The following GK5 variants were observed in gnomAD, a reference collection of about 807,000 sequenced individuals.
GK5 encodes glycerol kinase 5.
A neutral mutation model predicts 77.3 loss-of-function variants in GK5; 39 were observed. That is an observed-to-expected ratio of 0.50 (90% CI 0.39 to 0.66). GK5 has a LOEUF of 0.66. Ranked by LOEUF, GK5 falls within the 30% of genes least tolerant of loss-of-function variation. GK5 has a pLI of 0.00. For synonymous variants in GK5, 211 were observed against 208.0 expected, an observed-to-expected ratio of 1.01 and a Z score of -0.13; for missense variants, 487 against 633.8, an observed-to-expected ratio of 0.77 and a Z score of 2.49.
At chr3:142,186,547 C>T in intron 6 of GK5, 34 bp from the exon 7 acceptor site, 2 of 1,029,730 alleles carry the variant, frequency 1.9e-6, no homozygotes, top group Non-Finnish European at 2.9e-6. Flanking sequence ...CATTTATTAT[C>T]AGATAGTATA....
chr3:142,203,138 T>C (rs2064052330), intron 4 of GK5, among the ~76,000 whole-genome samples: 1 of 152,146 alleles, frequency 6.6e-6, no homozygotes, highest in Admixed American at 6.5e-5. Context: ...TTTAAAATTA[T>C]ACAATTGAGG....
At position 142,165,482 on chromosome 3, in the gene GK5, A is replaced by T. The variant is rs1270902710; in HGVS notation, c.*140T>A. On this transcript the variant is annotated 3_prime_UTR_variant, in exon 16 of 16. Transcript: ENST00000392993. ...GTTTTTTGTTCCGTTTTGTTTTTTTAAAAGCAATGCTTCTTAAGTTATGAA... is the reference window on the plus strand; with the variant it reads ...GTTTTTTGTTCCGTTTTGTTTTTTTTAAAGCAATGCTTCTTAAGTTATGAA... 6 of 599,320 alleles carry T rather than the reference A, an allele frequency of 1.0e-5. No homozygotes were observed. In the East Asian group the frequency reaches 1.8e-4, roughly 18 times the overall value. 37.1% of individuals were successfully genotyped at this position (599,320 alleles called of 1,614,324 possible).
At chr3:142,191,195 A>C (rs2107781998) in intron 5 of GK5, among the ~76,000 whole-genome samples, 1 of 152,060 alleles carries the variant, frequency 6.6e-6, no homozygotes, top group Non-Finnish European at 1.5e-5. Context: ...GGTGCGTGGT[A>C]ATTTTTGTAT....
In GK5 at chr3:142,215,678, A is replaced by C; in HGVS notation, c.162T>G (p.Tyr54Ter). ...CAATTTCTACCCAGCCAATTTGAGG[A>C]TAAAGATTTTCTACCTATTAAGGAA... Reference protein sequence around the residue: ...GSSVQKVENLYPQIGWVEIDP... With the variant: ...GSSVQKVENL Residue 54 changes from tyrosine (Y) to a stop codon, truncating the protein, a stop_gained, in exon 2 of 16, where the codon TAT (tyrosine) becomes TAG (stop). Transcript: ENST00000392993. LOFTEE classifies it high-confidence loss of function. 6.4e-7 allele frequency: 1 copy of C among 1,573,334 alleles called. No individual in the cohort carries two copies. The highest frequency in any genetic ancestry group is 8.7e-7 in the Non-Finnish European group (1 of 1,145,948).
intron 5 of GK5, among the ~76,000 whole-genome samples, chr3:142,196,617 T>C (rs181918709): frequency 2.5e-4 from 38 of 152,306 alleles, no homozygotes; most frequent in Admixed American, 2.4e-3. Flanking sequence ...TCATATATTT[T>C]TGAATTTCCC....
chr3:142,196,078 T>A (rs898227050), intron 5 of GK5, among the ~76,000 whole-genome samples: 2 of 152,152 alleles, frequency 1.3e-5, no homozygotes, highest in East Asian at 1.9e-4. Context: ...TTCTAGGAAA[T>A]TTTTCATTTT....
intron 5 of GK5, among the ~76,000 whole-genome samples, chr3:142,195,716 T>C (rs746510976): frequency 2.6e-5 from 4 of 152,188 alleles, no homozygotes; most frequent in Non-Finnish European, 4.4e-5. Context: ...TTTCTCTTGA[T>C]GTCTTTGATC....
At chr3:142,170,022 ACTAT>A (rs2063517242) in intron 15 of GK5, among the ~76,000 whole-genome samples, 1 of 151,964 alleles carries the variant, frequency 6.6e-6, no homozygotes, top group South Asian at 2.1e-4. Context: ...TTTCTTTAAC[ACTAT>A]CTATCCAGAA....
chr3:142,223,590 G>A (rs1228710440), intron 1 of GK5, among the ~76,000 whole-genome samples: 1 of 152,216 alleles, frequency 6.6e-6, no homozygotes, highest in Non-Finnish European at 1.5e-5. Context: ...TATAATCCCA[G>A]TGCTCTGGGA....
intron 6 of GK5, 65 bp downstream of exon 6, chr3:142,187,639 T>A: frequency 8.1e-7 from 1 of 1,229,304 alleles, no homozygotes; most frequent in East Asian, 2.3e-5. Flanking sequence ...CTACTTTTTT[T>A]AGGCAAATCA....
At chr3:142,175,765 A>T (rs2063601138) in intron 12 of GK5, among the ~76,000 whole-genome samples, 1 of 151,688 alleles carries the variant, frequency 6.6e-6, no homozygotes. Flanking sequence ...AGAGGAAATT[A>T]AAAATCAAAC....
intron 5 of GK5, among the ~76,000 whole-genome samples, chr3:142,193,203 T>G (rs1348443799): frequency 6.6e-6 from 1 of 152,176 alleles, no homozygotes; most frequent in Non-Finnish European, 1.5e-5. Context: ...ATATGGAAAC[T>G]ATATTTACTG....
rs74320027 is a variant in GK5 at position 142,190,319 on chromosome 3, C to T, written c.544-2540G>A. On this transcript the variant is annotated intron_variant, in intron 5 of 15. Coordinates refer to ENST00000392993, the MANE Select transcript of GK5 (RefSeq NM_001039547.3). The stretch of plus-strand genomic sequence containing the variant: ...TGTACAAGAGGGGACTCCAATTTCC[C>T]GTCTGATAGGTAAAGAGCTTGGAAG... Among the ~76,000 whole-genome samples the T allele has an allele frequency of 8.5e-3, 1,293 of 152,050 alleles. 17 individuals carry two copies. The highest frequency in any genetic ancestry group is 0.029 in the African/African-American group (1,212 of 41,466).
Position 142,215,588 on chromosome 3 carries a change from A to C in GK5, c.241+11T>G, listed in dbSNP as rs1041441753. 2 of 1,399,088 alleles carry C rather than the reference A, an allele frequency of 1.4e-6. No homozygotes were observed. The highest frequency in any genetic ancestry group is 2.5e-5 in the South Asian group (2 of 79,038). The allele number at this position is 1,399,088 out of a possible 1,614,324, so 86.7% of individuals were successfully genotyped here. A position where few individuals can be genotyped will look rare whatever the true frequency, so the allele number is the denominator to read the frequency against. ...CATAAAGATTATTGTTATTTTTATA[A>C]ATCCAATTACCTTTGACTGCTTCTT... On this transcript the variant is annotated intron_variant, in intron 2 of 15. Coordinates refer to ENST00000392993, the MANE Select transcript of GK5 (RefSeq NM_001039547.3).
In GK5 at chr3:142,162,613, T is replaced by G. The variant is rs554952370; in HGVS notation, c.*3009A>C. 1.3e-5 allele frequency: 2 copies of G among 152,134 alleles called. No homozygotes were observed. Among genetic ancestry groups the G allele is most frequent in the South Asian group, 4.1e-4 (2 of 4,826 alleles). The allele number at this position is 152,134 out of a possible 1,614,324, so 9.4% of individuals were successfully genotyped here. A position where few individuals can be genotyped will look rare whatever the true frequency, so the allele number is the denominator to read the frequency against. On this transcript the variant is annotated 3_prime_UTR_variant, in exon 16 of 16. Coordinates refer to ENST00000392993, the MANE Select transcript of GK5 (RefSeq NM_001039547.3). ...AGACCTTCTAAAAATATCTGATAGA[T>G]CTATAATGGGAAAATAAAACATGCT...
intron 11 of GK5, among the ~76,000 whole-genome samples, chr3:142,181,238 A>G (rs915365792): frequency 4.6e-5 from 7 of 152,208 alleles, no homozygotes; most frequent in Middle Eastern, 3.2e-3. Flanking sequence ...AATATTTTAC[A>G]TAGTTAAACT....
At chr3:142,168,091 A>T (rs185344152) in intron 15 of GK5, among the ~76,000 whole-genome samples, 2 of 152,346 alleles carry the variant, frequency 1.3e-5, no homozygotes, top group Non-Finnish European at 2.9e-5. Context: ...GTTCAAGAGA[A>T]TCTGACTTAT....
chr3:142,186,655 G>A (rs1422495172), intron 6 of GK5, 142 bp from the exon 7 acceptor site: 7 of 411,278 alleles, frequency 1.7e-5, no homozygotes, highest in Non-Finnish European at 2.9e-5. Flanking sequence ...TTTTTGAGAC[G>A]GAGTTTCACT....
chr3:142,184,441 T>C (rs1323812879), intron 9 of GK5, among the ~76,000 whole-genome samples: 1 of 152,052 alleles, frequency 6.6e-6, no homozygotes, highest in Admixed American at 6.6e-5. Context: ...TTGATATAAA[T>C]AGATGTAAGT....
Sources: gnomAD v4.1 joint callset for allele counts (sites outside exome capture counted in the v4.1 genomes callset) on GRCh38, gnomAD v4.1.1 for gene constraint, MANE v1.5 for transcripts, NCBI Gene and HGNC (gene_info 2026-07-23, HGNC 2026-07-21) for gene names.